Variants in TEX51 observed in about 807,000 individuals in gnomAD.
The protein encoded by TEX51 is testis-expressed protein 51.
Under a neutral mutation model 8.0 loss-of-function variants are expected in TEX51, and 14 were observed. The observed-to-expected ratio is 1.76, with a 90% CI of 1.16 to 2.75. The LOEUF (loss-of-function observed/expected upper bound fraction) is 2.75, where lower values mean the gene tolerates loss of function less well. TEX51 is among the 30% of genes most tolerant of loss of function. The probability of loss-of-function intolerance (pLI) is 0.00; values close to 1 mark genes in which losing one functional copy is unlikely to be tolerated. For synonymous variants in TEX51, 58 were observed against 28.6 expected (o/e 2.03, Z -3.29); for missense variants, 142 against 77.4 (o/e 1.83, Z -3.13).
chr2:126,899,704 T>C, intron 3 of TEX51, 92 bp downstream of exon 3: 1 of 694,892 alleles, frequency 1.4e-6, no homozygotes, highest in South Asian at 1.5e-5. Flanking sequence ...GCCCCCTCGA[T>C]CATCCCCAGG....
intron 2 of TEX51, 52 bp downstream of exon 2, chr2:126,899,343 A>C (rs1464975309): frequency 5.7e-6 from 4 of 701,400 alleles, no homozygotes; most frequent in South Asian, 4.4e-5. Context: ...ACAAAGGCCC[A>C]CCCTCCAAGG....
intron 1 of TEX51, 68 bp from the exon 2 acceptor site, chr2:126,899,149 T>C (rs1573446057): frequency 1.4e-6 from 1 of 702,084 alleles, no homozygotes. Flanking sequence ...AGGGATTGGA[T>C]GTGGCCTCTT....
rs532751361 is a variant in TEX51 at position 126,899,219 on chromosome 2, C to G, written c.148C>G (p.Arg50Gly). The change falls in exon 2 of 7, where the codon CGT (arginine) becomes GGT (glycine). Residue 50 changes from arginine to glycine, a missense_variant and splice_region_variant. Coordinates refer to ENST00000568484, the MANE Select transcript of TEX51 (RefSeq NM_001322244.2). ...TTTGACCTGTATCTCATCCTCAGAT[C>G]GTGACCATTTGGAAGAAGAAACAGC... ...PGPPTELSQNRDHLEEETAKF... is the reference protein window; with the variant it reads ...PGPPTELSQNGDHLEEETAKF... 1.4e-6 allele frequency: 1 copy of G among 702,144 alleles called. No homozygotes were observed. Among genetic ancestry groups the G allele is most frequent in the Non-Finnish European group, 2.6e-6 (1 of 384,820 alleles). The allele number at this position is 702,144 out of a possible 1,614,324, so 43.5% of individuals were successfully genotyped here. A position where few individuals can be genotyped will look rare whatever the true frequency, so the allele number is the denominator to read the frequency against.
Position 126,899,997 on chromosome 2 carries a change from C to A in TEX51, c.372C>A (p.Cys124Ter), listed in dbSNP as rs1244848076. The A allele has an allele frequency of 2.9e-5, 20 of 701,102 alleles. No individual in the cohort carries two copies. The highest frequency in any genetic ancestry group is 2.0e-5 in the Admixed American group (1 of 49,984). 43.4% of individuals were successfully genotyped at this position (701,102 alleles called of 1,614,324 possible). Residue 124 changes from cysteine (C) to a stop codon, truncating the protein, a stop_gained, in exon 4 of 7, where the codon TGC (cysteine) becomes TGA (stop). Transcript: ENST00000568484. LOFTEE classifies it high-confidence loss of function. ...ACTGCAGGACTCACTTCCTCTCCTG[C>A]AATGACCCCACTTTCTGCCCAGGTC... ...CADCRTHFLS[C>*]NDPTFCPARN...
intron 6 of TEX51, 107 bp downstream of exon 6, chr2:126,901,511 T>G (rs1182560479): frequency 1.5e-6 from 1 of 674,628 alleles, no homozygotes; most frequent in Non-Finnish European, 2.7e-6. Flanking sequence ...CCTCCTGGGG[T>G]CTGGCGTGCA....
At chr2:126,899,398 G>A in intron 2 of TEX51, 107 bp downstream of exon 2, 1 of 687,220 alleles carries the variant, frequency 1.5e-6, no homozygotes, top group South Asian at 1.5e-5. Flanking sequence ...GTCTTGTGAA[G>A]GTGGGAGATG....
At chr2:126,899,903 C>A in intron 3 of TEX51, 33 bp from the exon 4 acceptor site, 1 of 702,206 alleles carries the variant, frequency 1.4e-6, no homozygotes, top group Admixed American at 2.0e-5. Context: ...AGGCACCTGG[C>A]ACCCCCTAGC....
Position 126,901,966 on chromosome 2 carries a change from C to T in TEX51, c.*97C>T, listed in dbSNP as rs750589268. ...CATCTCTGGGTCCCGGTGACCCCAT[C>T]CCCCCATACCCTCCATCCTGGGTCC... On this transcript the variant is annotated 3_prime_UTR_variant, in exon 7 of 7. Coordinates refer to ENST00000568484, the MANE Select transcript of TEX51 (RefSeq NM_001322244.2). The T allele has an allele frequency of 4.6e-6, 3 of 646,408 alleles. No homozygotes were observed. The highest frequency in any genetic ancestry group is 5.9e-5 in the East Asian group (2 of 33,664). The allele number at this position is 646,408 out of a possible 1,614,324, so 40.0% of individuals were successfully genotyped here.
intron 4 of TEX51, among the ~76,000 whole-genome samples, chr2:126,900,363 C>T (rs1185562878): frequency 2.0e-5 from 3 of 148,462 alleles, no homozygotes; most frequent in African/African-American, 7.5e-5. Context: ...CACTGCACTC[C>T]AGGCTGGGCA....
Position 126,901,277 on chromosome 2 carries a change from A to G in TEX51, c.462A>G (p.Gly154=), listed in dbSNP as rs1158506337. Residue 154 remains glycine, a splice_region_variant and synonymous_variant, in exon 5 of 7, where the codon GGA becomes GGG. Coordinates refer to ENST00000568484, the MANE Select transcript of TEX51 (RefSeq NM_001322244.2). ...GTGCTCTACTCCTGGCCATAGCTGG[A>G]GGTGGGTGAGTGACCTCTCCAAGCC... The part of the protein sequence containing the change: ...LSSALLLAIA[G]DVSFTGKGRR... 1.7e-5 allele frequency: 12 copies of G among 699,292 alleles called. No homozygotes were observed. Among genetic ancestry groups the G allele is most frequent in the Non-Finnish European group, 2.1e-5 (8 of 383,050 alleles). 43.3% of individuals were successfully genotyped at this position (699,292 alleles called of 1,614,324 possible).
chr2:126,901,626 G>C, intron 6 of TEX51: 1 of 599,194 alleles, frequency 1.7e-6, no homozygotes, highest in African/African-American at 1.9e-5. Context: ...AAATGGCAAA[G>C]CTCCAGGCCT....
chr2:126,899,752 T>C (rs1286997084), intron 3 of TEX51, 140 bp downstream of exon 3: 1 of 701,352 alleles, frequency 1.4e-6, no homozygotes, highest in African/African-American at 1.7e-5. Context: ...CCCGGCTCCA[T>C]CTCCTACTTG....
intron 4 of TEX51, among the ~76,000 whole-genome samples, chr2:126,900,674 C>A (rs555710783): frequency 6.6e-6 from 1 of 152,114 alleles, no homozygotes; most frequent in Non-Finnish European, 1.5e-5. Flanking sequence ...CCTCCCTGTC[C>A]CTCCAGGCCA....
In TEX51 at chr2:126,901,544, A is replaced by C; in HGVS notation, c.*2+140A>C. 6 of 617,892 alleles carry C rather than the reference A, an allele frequency of 9.7e-6. No individual in the cohort carries two copies. The South Asian group carries it at 1.1e-4, about 12-fold the overall frequency. The allele number at this position is 617,892 out of a possible 1,614,324, so 38.3% of individuals were successfully genotyped here. A position where few individuals can be genotyped will look rare whatever the true frequency, so the allele number is the denominator to read the frequency against. ...GCAGAACAGAGTGGGATCGAGGGCC[A>C]GGACTCTCAGGAGTGCCACTCATCA... On this transcript the variant is annotated intron_variant, in intron 6 of 6. Coordinates refer to ENST00000568484, the MANE Select transcript of TEX51 (RefSeq NM_001322244.2).
In TEX51 at chr2:126,899,988, C is replaced by A. The variant is rs1039660981; in HGVS notation, c.363C>A (p.Phe121Leu). ...VTSCADCRTH[F>L]LSCNDPTFCP... ...GCTGTGCTGACTGCAGGACTCACTT[C>A]CTCTCCTGCAATGACCCCACTTTCT... The change falls in exon 4 of 7, where the codon TTC becomes TTA. Residue 121 changes from phenylalanine (F) to leucine (L), a missense_variant. Phe to Leu is a conservative substitution (Grantham distance 22). Transcript: ENST00000568484. The A allele has an allele frequency of 7.1e-6, 5 of 701,416 alleles. No individual in the cohort carries two copies. The highest frequency in any genetic ancestry group is 1.3e-5 in the Non-Finnish European group (5 of 384,808). The allele number at this position is 701,416 out of a possible 1,614,324, so 43.4% of individuals were successfully genotyped here. A position where few individuals can be genotyped will look rare whatever the true frequency, so the allele number is the denominator to read the frequency against.
chr2:126,899,365 G>A, intron 2 of TEX51, 74 bp downstream of exon 2: 3 of 698,124 alleles, frequency 4.3e-6, no homozygotes, highest in Non-Finnish European at 5.2e-6. Flanking sequence ...ATTCTCAGAG[G>A]CCCATGTGGC....
chr2:126,900,854 C>G (rs1044897677), intron 4 of TEX51, among the ~76,000 whole-genome samples: 2 of 152,218 alleles, frequency 1.3e-5, no homozygotes, highest in Admixed American at 6.5e-5. Context: ...TATCCTTGAG[C>G]GTGTCCTGTG....
Position 126,899,909 on chromosome 2 carries a change from C to G in TEX51, c.311-27C>G, listed in dbSNP as rs528553654. The G allele has an allele frequency of 2.2e-3, 1,551 of 702,216 alleles. 4 individuals are homozygous for G. The highest frequency in any genetic ancestry group is 0.015 in the Middle Eastern group (67 of 4,354). 43.5% of individuals were successfully genotyped at this position (702,216 alleles called of 1,614,324 possible). ...AGGGATGAAAGGCACCTGGCACCCC[C>G]TAGCCCCTGTCCCTCCCCTCCCATA... On this transcript the variant is annotated intron_variant, in intron 3 of 6. Transcript: ENST00000568484.
In TEX51 at chr2:126,899,237, G is replaced by T. The variant is rs1484052654; in HGVS notation, c.166G>T (p.Glu56Ter). The change falls in exon 2 of 7, where the codon GAA becomes TAA. Residue 56 changes from glutamate to a stop codon, truncating the protein, a stop_gained. Coordinates refer to ENST00000568484, the MANE Select transcript of TEX51 (RefSeq NM_001322244.2). LOFTEE classifies it high-confidence loss of function. ...CTCAGATCGTGACCATTTGGAAGAA[G>T]AAACAGCCAAATTCTTCACTCAAGT... is the stretch of plus-strand genomic sequence containing the variant. ...LSQNRDHLEE[E>*]TAKFFTQVHQ... 1.4e-6 allele frequency: 1 copy of T among 702,090 alleles called. No homozygotes were observed. Among genetic ancestry groups the T allele is most frequent in the African/African-American group, 1.7e-5 (1 of 57,200 alleles). The allele number at this position is 702,090 out of a possible 1,614,324, so 43.5% of individuals were successfully genotyped here. A position where few individuals can be genotyped will look rare whatever the true frequency, so the allele number is the denominator to read the frequency against.
Sources: allele counts gnomAD v4.1 joint callset (sites outside exome capture counted in the v4.1 genomes callset), GRCh38; gene constraint gnomAD v4.1.1; transcripts MANE v1.5; gene names NCBI Gene and HGNC (gene_info 2026-07-23, HGNC 2026-07-21).